Variants in CPE observed in about 807,000 individuals in gnomAD.
CPE encodes the protein carboxypeptidase E.
CPE carries 17 observed loss-of-function variants against 53.5 expected under a neutral mutation model. The observed-to-expected ratio is 0.32, with a 90% confidence interval of 0.22 to 0.48. The LOEUF (loss-of-function observed/expected upper bound fraction) is 0.48. CPE is among the 20% of genes least tolerant of loss of function. CPE has a pLI of 0.99. For synonymous variants in CPE, 226 were observed against 228.8 expected, an observed-to-expected ratio of 0.99 and a Z score of 0.11; for missense variants, 524 against 614.7, an observed-to-expected ratio of 0.85 and a Z score of 1.56.
intron 1 of CPE, among the ~76,000 whole-genome samples, chr4:165,382,940 T>G (rs1730526315): frequency 6.6e-6 from 1 of 152,226 alleles, no homozygotes; most frequent in Admixed American, 6.5e-5. Flanking sequence ...GGAATCAGCT[T>G]GATTGTTGAC....
rs143594033 is a variant in CPE at position 165,405,970 on chromosome 4, T to G, written c.307+26442T>G. 68 of 737,080 alleles carry G rather than the reference T, an allele frequency of 9.2e-5. No homozygotes were observed. In the African/African-American group the frequency reaches 1.0e-3, roughly 11 times the overall value. 45.7% of individuals were successfully genotyped at this position (737,080 alleles called of 1,614,324 possible). ...TGGACTTTTCAAGTTTCTCAAATGT[T>G]CTCTGTGCTTCTTGTGGTATCTGTG... On this transcript the variant is annotated intron_variant, in intron 1 of 8. Coordinates refer to ENST00000402744, the MANE Select transcript of CPE (RefSeq NM_001873.4).
At chr4:165,459,724 T>G (rs1731966433) in intron 1 of CPE, among the ~76,000 whole-genome samples, 1 of 144,818 alleles carries the variant, frequency 6.9e-6, no homozygotes, top group East Asian at 2.1e-4. Flanking sequence ...GAGACCAGCT[T>G]GGCCAATATG....
chr4:165,426,399 C>A (rs1321583948), intron 1 of CPE, among the ~76,000 whole-genome samples: 1 of 152,232 alleles, frequency 6.6e-6, no homozygotes, highest in Non-Finnish European at 1.5e-5. Flanking sequence ...TGTGTGACAT[C>A]TACTTCTTGT....
chr4:165,443,659 G>A (rs934959510), intron 1 of CPE, among the ~76,000 whole-genome samples: 5 of 152,172 alleles, frequency 3.3e-5, no homozygotes, highest in African/African-American at 1.2e-4. Flanking sequence ...GGTTGGATTA[G>A]GTGCATCCCA....
At chr4:165,477,779 G>C (rs1732329289) in intron 3 of CPE, among the ~76,000 whole-genome samples, 1 of 152,032 alleles carries the variant, frequency 6.6e-6, no homozygotes, top group African/African-American at 2.4e-5. Flanking sequence ...CCAGGCCTGG[G>C]GTGTGTGTGC....
At chr4:165,468,679 C>T (rs1175332784) in intron 3 of CPE, among the ~76,000 whole-genome samples, 1 of 152,172 alleles carries the variant, frequency 6.6e-6, no homozygotes, top group African/African-American at 2.4e-5. Context: ...TCCCCTGCCT[C>T]AGCTGAGATC....
At chr4:165,487,021 A>G (rs1463798880) in intron 5 of CPE, among the ~76,000 whole-genome samples, 1 of 152,198 alleles carries the variant, frequency 6.6e-6, no homozygotes, top group East Asian at 1.9e-4. Context: ...GGCTTAAGGA[A>G]TAATATAGTA....
chr4:165,413,997 C>T (rs1731083334), intron 1 of CPE, among the ~76,000 whole-genome samples: 1 of 152,136 alleles, frequency 6.6e-6, no homozygotes, highest in Admixed American at 6.5e-5. Context: ...AAATCGTTCA[C>T]TTTGAAACAT....
rs559055109 is a variant in CPE at position 165,411,023 on chromosome 4, T to G, written c.307+31495T>G. 7.2e-5 allele frequency among the ~76,000 whole-genome samples: 11 copies of G among 152,328 alleles called. 1 individual carries two copies. The East Asian group carries it at 2.1e-3, about 29-fold the overall frequency. ...TGCTGAATGGAGGACATTTACATAG[T>G]CTTTCCAATGCTAAAGGAAATAGGG... On this transcript the variant is annotated intron_variant, in intron 1 of 8. Coordinates refer to ENST00000402744, the MANE Select transcript of CPE (RefSeq NM_001873.4).
At chr4:165,390,197 C>T (rs1365168496) in intron 1 of CPE, among the ~76,000 whole-genome samples, 2 of 152,152 alleles carry the variant, frequency 1.3e-5, no homozygotes, top group East Asian at 3.8e-4. Flanking sequence ...ATCCACAGTG[C>T]TTGGCATGTA....
At chr4:165,481,838 C>T (rs985687326) in intron 3 of CPE, among the ~76,000 whole-genome samples, 10 of 152,168 alleles carry the variant, frequency 6.6e-5, no homozygotes, top group Admixed American at 6.5e-4. Context: ...GAGGACAAAT[C>T]TTGTTCTGCA....
chr4:165,402,415 G>T (rs1730883013), intron 1 of CPE, among the ~76,000 whole-genome samples: 1 of 152,176 alleles, frequency 6.6e-6, no homozygotes, highest in Non-Finnish European at 1.5e-5. Flanking sequence ...GATACAGTTT[G>T]GATATCTGTC....
At chr4:165,396,342 A>G (rs796166203) in intron 1 of CPE, among the ~76,000 whole-genome samples, 7 of 152,278 alleles carry the variant, frequency 4.6e-5, no homozygotes, top group Admixed American at 2.0e-4. Flanking sequence ...GTGAGCTATC[A>G]AATGTTGGAA....
chr4:165,400,477 G>A (rs1264219399), intron 1 of CPE, among the ~76,000 whole-genome samples: 1 of 152,186 alleles, frequency 6.6e-6, no homozygotes, highest in African/African-American at 2.4e-5. Flanking sequence ...AGGACTGGGG[G>A]CATATGACGA....
At chr4:165,480,661 C>G (rs1182297836) in intron 3 of CPE, among the ~76,000 whole-genome samples, 1 of 152,126 alleles carries the variant, frequency 6.6e-6, no homozygotes, top group Non-Finnish European at 1.5e-5. Context: ...AATTGAATGT[C>G]TGACACAGAA....
chr4:165,415,230 T>C (rs11736871), intron 1 of CPE: 49,255 of 166,858 alleles, frequency 0.3, 7,479 homozygotes, highest in Middle Eastern at 0.4. Flanking sequence ...TTTCTCTACA[T>C]GGGGGCAGCA....
chr4:165,380,840 A>T (rs1186184745), intron 1 of CPE, among the ~76,000 whole-genome samples: 6 of 152,346 alleles, frequency 3.9e-5, no homozygotes, highest in Non-Finnish European at 1.5e-5. Context: ...CCTAGAAAAC[A>T]TTTAATATTA....
intron 1 of CPE, among the ~76,000 whole-genome samples, chr4:165,456,886 A>T (rs900824975): frequency 2.0e-5 from 3 of 151,492 alleles, no homozygotes; most frequent in Non-Finnish European, 4.4e-5. Flanking sequence ...GATTACAGGC[A>T]CCCACCACCA....
intron 1 of CPE, among the ~76,000 whole-genome samples, chr4:165,421,951 CAAGCTGTTCTCAGAATACTAAAAA>C (rs1253025208): frequency 3.9e-5 from 6 of 152,060 alleles, no homozygotes; most frequent in Admixed American, 3.9e-4. Context: ...CAGCATTCTG[CAAGCTGTTCTCAGAATACTAAAAA>C]AAGGGCAAAT....
Sources: gnomAD v4.1 joint callset for allele counts (sites outside exome capture counted in the v4.1 genomes callset) on GRCh38, gnomAD v4.1.1 for gene constraint, MANE v1.5 for transcripts, NCBI Gene and HGNC (gene_info 2026-07-23, HGNC 2026-07-21) for gene names.